NPAT: variants seen among roughly 807,000 people sequenced by gnomAD.
NPAT encodes protein NPAT.
NPAT carries 52 observed loss-of-function variants against 130.7 expected under a neutral mutation model. The observed-to-expected ratio is 0.40, with a 90% CI of 0.32 to 0.50. NPAT has a LOEUF of 0.50. Among genes scored for constraint, NPAT ranks in the 20% least tolerant of loss-of-function variants. The pLI, the probability that NPAT is intolerant of heterozygous loss-of-function variation, is 0.68. For synonymous variants in NPAT, 580 were observed against 584.8 expected, an observed-to-expected ratio of 0.99 and a Z score of 0.12; for missense variants, 1,687 against 1,662.6, an observed-to-expected ratio of 1.01 and a Z score of -0.26.
intron 12 of NPAT, among the ~76,000 whole-genome samples, chr11:108,174,292 A>G (rs1338843481): frequency 3.3e-5 from 5 of 152,026 alleles, no homozygotes; most frequent in Non-Finnish European, 7.4e-5. Context: ...ACATATTCTT[A>G]AAGGTGAGAT....
In NPAT at chr11:108,211,299, T is replaced by C. The variant is rs544283401; in HGVS notation, c.37+11201A>G. 2.0e-5 allele frequency among the ~76,000 whole-genome samples: 3 copies of C among 152,132 alleles called. No homozygotes were observed. The East Asian group carries it at 5.8e-4, about 29-fold the overall frequency. ...GCTCACGCCTGTAATCCCAGCACTGTGGGAGGCCGAGGCAGGAGGATTGCT... is the reference window on the plus strand; with the variant it reads ...GCTCACGCCTGTAATCCCAGCACTGCGGGAGGCCGAGGCAGGAGGATTGCT... On this transcript the variant is annotated intron_variant, in intron 1 of 17. Coordinates refer to ENST00000278612, the MANE Select transcript of NPAT (RefSeq NM_002519.3).
At chr11:108,201,802 C>T (rs1244650112) in intron 1 of NPAT, among the ~76,000 whole-genome samples, 4 of 152,202 alleles carry the variant, frequency 2.6e-5, no homozygotes, top group African/African-American at 9.6e-5. Flanking sequence ...AAGAATCTGT[C>T]CTTCCCTAAA....
chr11:108,183,351 G>A (rs1231314169), intron 10 of NPAT, among the ~76,000 whole-genome samples: 2 of 152,086 alleles, frequency 1.3e-5, no homozygotes, highest in Admixed American at 6.6e-5. Context: ...CTGACATAGA[G>A]AAAAACAATT....
At chr11:108,166,120 G>A (rs991454794) in intron 15 of NPAT, among the ~76,000 whole-genome samples, 5 of 151,170 alleles carry the variant, frequency 3.3e-5, no homozygotes, top group South Asian at 2.1e-4. Flanking sequence ...CAGGCCAGGC[G>A]TGGTGGCTCA....
At position 108,162,011 on chromosome 11, in the gene NPAT, A is replaced by G. The variant is rs1219193617; in HGVS notation, c.3075T>C (p.Thr1025=). ...TGGCAATACTTTTGTCAGAAACTTC[A>G]GTTCTAAAACAAAACAAAACAAAAC... ...GHSVGCHAQK[T]EVSDKSIATD... is the part of the protein sequence containing the mutation. The change falls in exon 17 of 18, where the codon ACT becomes ACC. Residue 1025 remains threonine, a synonymous_variant. Coordinates refer to ENST00000278612, the MANE Select transcript of NPAT (RefSeq NM_002519.3). 1 of 1,608,682 alleles carries G rather than the reference A, an allele frequency of 6.2e-7. No homozygotes were observed. Among genetic ancestry groups the G allele is most frequent in the African/African-American group, 1.3e-5 (1 of 74,540 alleles).
intron 15 of NPAT, 124 bp from the exon 16 acceptor site, chr11:108,162,304 AG>A: frequency 1.3e-6 from 1 of 789,912 alleles, no homozygotes; most frequent in South Asian, 1.7e-5. Context: ...ACACACAAAT[AG>A]AACACGTTGA....
At chr11:108,191,490 A>T (rs1032263846) in intron 4 of NPAT, among the ~76,000 whole-genome samples, 1 of 152,242 alleles carries the variant, frequency 6.6e-6, no homozygotes, top group Admixed American at 6.5e-5. Flanking sequence ...AAATATAAAG[A>T]TAAGACTACC....
intron 1 of NPAT, among the ~76,000 whole-genome samples, chr11:108,217,298 T>C (rs2078443658): frequency 6.6e-6 from 1 of 152,366 alleles, no homozygotes; most frequent in South Asian, 2.1e-4. Context: ...CTGGACTAAC[T>C]GGGTAAGTAA....
In NPAT at chr11:108,158,576, A is replaced by T. The variant is rs2077816435; in HGVS notation, c.*366T>A. On this transcript the variant is annotated 3_prime_UTR_variant, in exon 18 of 18. Transcript: ENST00000278612. The stretch of plus-strand genomic sequence containing the variant: ...AAGTGAGAAACTATTCCAGATGAGT[A>T]AGTCTCAGAATTAGGGATCATAAGA... 5.8e-6 allele frequency: 1 copy of T among 171,340 alleles called. No homozygotes were observed. The highest frequency in any genetic ancestry group is 1.4e-4 in the South Asian group (1 of 6,974). 10.6% of individuals were successfully genotyped at this position (171,340 alleles called of 1,614,324 possible).
intron 1 of NPAT, among the ~76,000 whole-genome samples, chr11:108,211,131 G>A (rs556959198): frequency 6.6e-6 from 1 of 151,864 alleles, no homozygotes; most frequent in East Asian, 1.9e-4. Flanking sequence ...GGACAGAATC[G>A]CTTGAACCAG....
chr11:108,207,923 T>C (rs751488408), intron 1 of NPAT, among the ~76,000 whole-genome samples: 3 of 152,202 alleles, frequency 2.0e-5, no homozygotes, highest in Non-Finnish European at 2.9e-5. Flanking sequence ...GCTGGACTGA[T>C]TCAAAGACAC....
intron 1 of NPAT, among the ~76,000 whole-genome samples, chr11:108,219,508 C>T (rs1450462846): frequency 6.6e-6 from 1 of 151,542 alleles, no homozygotes; most frequent in Non-Finnish European, 1.5e-5. Flanking sequence ...CTGTCTCATA[C>T]AGAAGGTAAC....
intron 1 of NPAT, among the ~76,000 whole-genome samples, chr11:108,221,964 C>G (rs1466134582): frequency 6.6e-6 from 1 of 152,174 alleles, no homozygotes; most frequent in African/African-American, 2.4e-5. Context: ...GCATTTCACA[C>G]CTCTACACTG....
chr11:108,190,674 G>A (rs1043482671), intron 4 of NPAT, among the ~76,000 whole-genome samples, 174 bp from the exon 5 acceptor site: 29 of 152,194 alleles, frequency 1.9e-4, no homozygotes, highest in African/African-American at 4.6e-4. Flanking sequence ...ATTTGCTTTA[G>A]GAGAAAAATA....
At chr11:108,186,216 C>T (rs2078107141) in intron 8 of NPAT, among the ~76,000 whole-genome samples, 1 of 151,882 alleles carries the variant, frequency 6.6e-6, no homozygotes, top group Admixed American at 6.6e-5. Context: ...GGGGTTTTAC[C>T]ATGTTGCCCA....
rs1388104394 is a variant in NPAT, at chr11:108,173,239, A to C, written c.1745T>G (p.Ile582Ser). The C allele has an allele frequency of 6.2e-7, 1 of 1,612,890 alleles. No individual in the cohort carries two copies. Among genetic ancestry groups the C allele is most frequent in the African/African-American group, 1.3e-5 (1 of 74,906 alleles). The change falls in exon 13 of 18, where the codon ATT (isoleucine) becomes AGT (serine). Residue 582 changes from isoleucine (I) to serine (S), a missense_variant. Coordinates refer to ENST00000278612, the MANE Select transcript of NPAT (RefSeq NM_002519.3). ...SSEVHKSKIE[I>S]NVLEPVMSQL... is the part of the protein sequence containing the mutation. ...TGACATAACTGGTTCTAACACATTA[A>C]TTTCTATTTTACTCTTGTGAACTTC...
At chr11:108,187,323 G>A (rs2078116994) in intron 7 of NPAT, among the ~76,000 whole-genome samples, 1 of 152,128 alleles carries the variant, frequency 6.6e-6, no homozygotes, top group Non-Finnish European at 1.5e-5. Context: ...GTGGCGGCAT[G>A]TGCCTGTGCT....
At chr11:108,171,694 C>T (rs981104157) in intron 13 of NPAT, 2 of 153,540 alleles carry the variant, frequency 1.3e-5, no homozygotes, top group African/African-American at 2.4e-5. Flanking sequence ...ACCATGTTCT[C>T]GAGGCTGGTC....
At chr11:108,186,840 T>C (rs1443402975) in intron 7 of NPAT, among the ~76,000 whole-genome samples, 2 of 152,156 alleles carry the variant, frequency 1.3e-5, no homozygotes, top group Non-Finnish European at 2.9e-5. Context: ...CTGTGTTCGG[T>C]TGAAAAAAAC....
Sources: gnomAD v4.1 joint callset for allele counts (sites outside exome capture counted in the v4.1 genomes callset) on GRCh38, gnomAD v4.1.1 for gene constraint, MANE v1.5 for transcripts, NCBI Gene and HGNC (gene_info 2026-07-23, HGNC 2026-07-21) for gene names.